Variants in KCNK12 observed in about 807,000 individuals in gnomAD.
The protein encoded by KCNK12 is potassium channel subfamily K member 12.
Under a neutral mutation model 25.3 loss-of-function variants are expected in KCNK12, and 6 were observed. The ratio of observed to expected loss-of-function variants is 0.24; its 90% CI spans 0.13 to 0.47. KCNK12 has a LOEUF of 0.47. Among genes scored for constraint, KCNK12 ranks in the 20% least tolerant of loss-of-function variants. The pLI is 0.99. For missense variants in KCNK12, 444 were observed against 661.7 expected (o/e 0.67, Z 3.61); for synonymous variants, 331 against 311.1 (o/e 1.06, Z -0.67).
intron 1 of KCNK12, among the ~76,000 whole-genome samples, chr2:47,536,349 T>C (rs1669066539): frequency 6.6e-6 from 1 of 152,202 alleles, no homozygotes; most frequent in South Asian, 2.1e-4. Context: ...TTTTTCTATG[T>C]TAGCTTGCCA....
chr2:47,514,325 G>A lies in KCNK12; in HGVS notation c.*6582C>T, dbSNP rs1012886400. Among the ~76,000 whole-genome samples, 11 of 152,214 alleles carry A rather than the reference G, an allele frequency of 7.2e-5. No homozygotes were observed. Among genetic ancestry groups the A allele is most frequent in the African/African-American group, 2.4e-4 (10 of 41,460 alleles). ...GTGGACAGGGAGCCCTCAGCAGGCCGTACTGCAGCGCCCTGCCCCCGTCAG... is the reference window on the plus strand; with the variant it reads ...GTGGACAGGGAGCCCTCAGCAGGCCATACTGCAGCGCCCTGCCCCCGTCAG... On this transcript the variant is annotated 3_prime_UTR_variant, in exon 2 of 2. Coordinates refer to ENST00000327876, the MANE Select transcript of KCNK12 (RefSeq NM_022055.2). The surrounding 1 kb of genome is among the most constrained non-coding windows in gnomAD (Gnocchi z 5.0).
At chr2:47,553,029 C>G (rs1464937239) in intron 1 of KCNK12, among the ~76,000 whole-genome samples, 1 of 152,216 alleles carries the variant, frequency 6.6e-6, no homozygotes, top group East Asian at 1.9e-4. Context: ...CTAGTCCCCT[C>G]TACCCAATTC....
At chr2:47,524,919 C>T (rs989662481) in intron 1 of KCNK12, among the ~76,000 whole-genome samples, 1 of 152,028 alleles carries the variant, frequency 6.6e-6, no homozygotes, top group African/African-American at 2.4e-5. Context: ...GTGCATAGAT[C>T]GGTATACAGA....
Position 47,521,826 on chromosome 2 carries a change from G to C in KCNK12, c.392-18C>G. ...GCCGAAACCTGTGGAGACAGGGCAGGGTCAGCGCGGTCCTGGCCGCGCAGG... is the reference window on the plus strand; with the variant it reads ...GCCGAAACCTGTGGAGACAGGGCAGCGTCAGCGCGGTCCTGGCCGCGCAGG... On this transcript the variant is annotated intron_variant, in intron 1 of 1. Coordinates refer to ENST00000327876, the MANE Select transcript of KCNK12 (RefSeq NM_022055.2). The C allele has an allele frequency of 6.7e-7, 1 of 1,501,024 alleles. No individual in the cohort carries two copies. Among genetic ancestry groups the C allele is most frequent in the Non-Finnish European group, 8.8e-7 (1 of 1,129,944 alleles). 93.0% of individuals were successfully genotyped at this position (1,501,024 alleles called of 1,614,324 possible). A position where few individuals can be genotyped will look rare whatever the true frequency, so the allele number is the denominator to read the frequency against.
intron 1 of KCNK12, among the ~76,000 whole-genome samples, chr2:47,541,557 C>T (rs1669199101): frequency 6.6e-6 from 1 of 152,036 alleles, no homozygotes; most frequent in Non-Finnish European, 1.5e-5. Flanking sequence ...TATGCCCATA[C>T]ATTCATAGGT....
rs535919656 is a variant in KCNK12 at position 47,533,427 on chromosome 2, G to C, written c.392-11619C>G. 4.6e-5 allele frequency among the ~76,000 whole-genome samples: 7 copies of C among 152,360 alleles called. No individual in the cohort carries two copies. The East Asian group carries it at 1.4e-3, about 29-fold the overall frequency. On this transcript the variant is annotated intron_variant, in intron 1 of 1. Coordinates refer to ENST00000327876, the MANE Select transcript of KCNK12 (RefSeq NM_022055.2). The surrounding 1 kb of genome is among the most constrained non-coding windows in gnomAD (Gnocchi z 4.7). Reference sequence around the variant, plus strand: ...CAAAAGCACCAAGCTTAGCTGGGAAGCACGATGGGTGAGGCATGGACCTTA... The same window carrying C: ...CAAAAGCACCAAGCTTAGCTGGGAACCACGATGGGTGAGGCATGGACCTTA...
In KCNK12 at chr2:47,548,474, C is replaced by T. The variant is rs1669359269; in HGVS notation, c.391+21467G>A. Among the ~76,000 whole-genome samples, 1 of 152,210 alleles carries T rather than the reference C, an allele frequency of 6.6e-6. No homozygotes were observed. The highest frequency in any genetic ancestry group is 1.5e-5 in the Non-Finnish European group (1 of 68,046). ...TTCCCTATCTCAGTAAATGGCAAAT[C>T]CATCCTTGCAGTTGCTAAGGGCAAA... is the stretch of plus-strand genomic sequence containing the variant. On this transcript the variant is annotated intron_variant, in intron 1 of 1. Coordinates refer to ENST00000327876, the MANE Select transcript of KCNK12 (RefSeq NM_022055.2). The surrounding 1 kb of genome is among the most constrained non-coding windows in gnomAD (Gnocchi z 4.4).
chr2:47,514,023 G>A lies in KCNK12; in HGVS notation c.*6884C>T, dbSNP rs1432583445. Among the ~76,000 whole-genome samples the A allele has an allele frequency of 6.6e-6, 1 of 152,168 alleles. No homozygotes were observed. The highest frequency in any genetic ancestry group is 1.5e-5 in the Non-Finnish European group (1 of 68,030). On this transcript the variant is annotated 3_prime_UTR_variant, in exon 2 of 2. Coordinates refer to ENST00000327876, the MANE Select transcript of KCNK12 (RefSeq NM_022055.2). The surrounding 1 kb of genome is among the most constrained non-coding windows in gnomAD (Gnocchi z 5.0). ...CCTCAGGATTAGGCGAAAAGTCTTT[G>A]CTTTGTTTTACAAGGCCCTTCGCTA... is the stretch of plus-strand genomic sequence containing the variant.
At position 47,547,220 on chromosome 2, in the gene KCNK12, T is replaced by C. The variant is rs1035245064; in HGVS notation, c.391+22721A>G. ...TGCGGCTCAATCTTCAGATCTCTTCTTTTCTGGCTCCCACGAACACGCCCT... is the reference window on the plus strand; with the variant it reads ...TGCGGCTCAATCTTCAGATCTCTTCCTTTCTGGCTCCCACGAACACGCCCT... On this transcript the variant is annotated intron_variant, in intron 1 of 1. Transcript: ENST00000327876. This position sits in a 1 kb window ranked among gnomAD's most constrained non-coding sequence, Gnocchi z 5.0. 2.6e-5 allele frequency among the ~76,000 whole-genome samples: 4 copies of C among 152,184 alleles called. No homozygotes were observed. The highest frequency in any genetic ancestry group is 2.6e-4 in the Admixed American group (4 of 15,276).
chr2:47,559,715 C>T (rs534450296), intron 1 of KCNK12, among the ~76,000 whole-genome samples: 19 of 152,314 alleles, frequency 1.2e-4, no homozygotes, highest in Admixed American at 1.0e-3. Flanking sequence ...CACATCTTAA[C>T]CCACTGAACG....
In KCNK12 at chr2:47,570,221, G is replaced by A; in HGVS notation, c.111C>T (p.Gly37=). The change falls in exon 1 of 2, where the codon GGC becomes GGT. Residue 37 remains glycine, a synonymous_variant. Transcript: ENST00000327876. ...CRRSHLNEDT[G]RFVLLAALIG... is the part of the protein sequence containing the mutation. Reference sequence around the variant, plus strand: ...TGAGCGCCGCCAGCAGCACGAAGCGGCCGGTGTCCTCGTTGAGGTGCGAAC... The same window carrying A: ...TGAGCGCCGCCAGCAGCACGAAGCGACCGGTGTCCTCGTTGAGGTGCGAAC... 6.7e-7 allele frequency: 1 copy of A among 1,487,504 alleles called. No homozygotes were observed. The highest frequency in any genetic ancestry group is 8.9e-7 in the Non-Finnish European group (1 of 1,121,968). The allele number at this position is 1,487,504 out of a possible 1,614,324, so 92.1% of individuals were successfully genotyped here. A position where few individuals can be genotyped will look rare whatever the true frequency, so the allele number is the denominator to read the frequency against.
chr2:47,514,848 G>A lies in KCNK12; in HGVS notation c.*6059C>T, dbSNP rs1668484777. On this transcript the variant is annotated 3_prime_UTR_variant, in exon 2 of 2. Coordinates refer to ENST00000327876, the MANE Select transcript of KCNK12 (RefSeq NM_022055.2). The surrounding 1 kb of genome is among the most constrained non-coding windows in gnomAD (Gnocchi z 5.0). ...GCTGGTCTCGAACTCCTAGGCTAAAGTGATCCACTTGTCTCAGCCTCCCAA... is the reference window on the plus strand; with the variant it reads ...GCTGGTCTCGAACTCCTAGGCTAAAATGATCCACTTGTCTCAGCCTCCCAA... 6.6e-6 allele frequency among the ~76,000 whole-genome samples: 1 copy of A among 152,144 alleles called. No homozygotes were observed. Among genetic ancestry groups the A allele is most frequent in the East Asian group, 1.9e-4 (1 of 5,196 alleles).
Position 47,512,373 on chromosome 2 carries a change from G to C in KCNK12, c.*8534C>G. 1 of 1,612,202 alleles carries C rather than the reference G, an allele frequency of 6.2e-7. No individual in the cohort carries two copies. Among genetic ancestry groups the C allele is most frequent in the African/African-American group, 1.3e-5 (1 of 75,040 alleles). The stretch of plus-strand genomic sequence containing the variant: ...ACATGGAAAAGGAAACTTCGTGGGG[G>C]AAAGAGATCTGCTTGCAGTCGGCCA... On this transcript the variant is annotated 3_prime_UTR_variant, in exon 2 of 2. Coordinates refer to ENST00000327876, the MANE Select transcript of KCNK12 (RefSeq NM_022055.2).
At position 47,555,037 on chromosome 2, in the gene KCNK12, G is replaced by A. The variant is rs961571997; in HGVS notation, c.391+14904C>T. 6.6e-6 allele frequency among the ~76,000 whole-genome samples: 1 copy of A among 152,162 alleles called. No individual in the cohort carries two copies. Among genetic ancestry groups the A allele is most frequent in the Non-Finnish European group, 1.5e-5 (1 of 68,028 alleles). On this transcript the variant is annotated intron_variant, in intron 1 of 1. Coordinates refer to ENST00000327876, the MANE Select transcript of KCNK12 (RefSeq NM_022055.2). The surrounding 1 kb of genome is among the most constrained non-coding windows in gnomAD (Gnocchi z 4.5). ...CAAGGAGCAGGAACAGCTTGTGAGGGGAACAGTCAAGAGTGGGATATAGCA... is the reference window on the plus strand; with the variant it reads ...CAAGGAGCAGGAACAGCTTGTGAGGAGAACAGTCAAGAGTGGGATATAGCA...
chr2:47,511,734 A>T lies in KCNK12; in HGVS notation c.*9173T>A, dbSNP rs1668407422. On this transcript the variant is annotated 3_prime_UTR_variant, in exon 2 of 2. Coordinates refer to ENST00000327876, the MANE Select transcript of KCNK12 (RefSeq NM_022055.2). This position sits in a 1 kb window ranked among gnomAD's most constrained non-coding sequence, Gnocchi z 4.3. ...GGCCTTTTACTTCTGCCCCTTAAGG[A>T]TGCCCTGGAATTCAGGCTTTCGGAT... Among the ~76,000 whole-genome samples, 1 of 152,146 alleles carries T rather than the reference A, an allele frequency of 6.6e-6. No individual in the cohort carries two copies. The highest frequency in any genetic ancestry group is 2.4e-5 in the African/African-American group (1 of 41,424).
intron 1 of KCNK12, among the ~76,000 whole-genome samples, chr2:47,541,815 T>A (rs886835778): frequency 6.6e-6 from 1 of 152,132 alleles, no homozygotes; most frequent in Non-Finnish European, 1.5e-5. Context: ...AGCCCCTTGA[T>A]CTTAGACTTC....
At position 47,556,499 on chromosome 2, in the gene KCNK12, G is replaced by A. The variant is rs1436341691; in HGVS notation, c.391+13442C>T. Among the ~76,000 whole-genome samples, 3 of 152,158 alleles carry A rather than the reference G, an allele frequency of 2.0e-5. No individual in the cohort carries two copies. Among genetic ancestry groups the A allele is most frequent in the Non-Finnish European group, 4.4e-5 (3 of 68,018 alleles). ...TAGGAAGTACAGTGGGATGTGGGGGGTGCTGCCAGTGTGGAGTGTCCAGCT... is the reference window on the plus strand; with the variant it reads ...TAGGAAGTACAGTGGGATGTGGGGGATGCTGCCAGTGTGGAGTGTCCAGCT... On this transcript the variant is annotated intron_variant, in intron 1 of 1. Coordinates refer to ENST00000327876, the MANE Select transcript of KCNK12 (RefSeq NM_022055.2). The surrounding 1 kb of genome is among the most constrained non-coding windows in gnomAD (Gnocchi z 4.8).
intron 1 of KCNK12, among the ~76,000 whole-genome samples, chr2:47,530,928 T>C (rs1668909792): frequency 6.6e-6 from 1 of 152,184 alleles, no homozygotes; most frequent in African/African-American, 2.4e-5. Context: ...GATTTGAAAC[T>C]AGAGGAAGGA....
In KCNK12 at chr2:47,569,975, G is replaced by A. The variant is rs1432707493; in HGVS notation, c.357C>T (p.Ala119=). 28 of 1,434,352 alleles carry A rather than the reference G, an allele frequency of 2.0e-5. No homozygotes were observed. The highest frequency in any genetic ancestry group is 2.6e-5 in the Non-Finnish European group (28 of 1,094,966). 88.9% of individuals were successfully genotyped at this position (1,434,352 alleles called of 1,614,324 possible). A position where few individuals can be genotyped will look rare whatever the true frequency, so the allele number is the denominator to read the frequency against. The stretch of plus-strand genomic sequence containing the variant: ...ACACCACGGTGCCCACGAAGTAGAA[G>A]GCGCCGGGGAAGTCCCAGCGCGGGC... ...ALRPRWDFPG[A]FYFVGTVVST... Residue 119 remains alanine, a synonymous_variant, in exon 1 of 2, where the codon GCC becomes GCT. Coordinates refer to ENST00000327876, the MANE Select transcript of KCNK12 (RefSeq NM_022055.2). The surrounding 1 kb of genome is among the most constrained non-coding windows in gnomAD (Gnocchi z 4.1).
Sources: allele counts gnomAD v4.1 joint callset (sites outside exome capture counted in the v4.1 genomes callset), GRCh38; gene constraint gnomAD v4.1.1; non-coding constraint Gnocchi (gnomAD v3.1); transcripts MANE v1.5; gene names NCBI Gene and HGNC (gene_info 2026-07-23, HGNC 2026-07-21).